The following CRIM1 variants were observed in gnomAD, a reference collection of about 807,000 sequenced individuals.
CRIM1 encodes the protein cysteine rich transmembrane BMP regulator 1, also known as cysteine-rich motor neuron 1 protein.
In CRIM1, 32 loss-of-function variants were observed where a neutral mutation model predicts 116.4. That is an observed-to-expected ratio of 0.27 (90% CI 0.21 to 0.37). The LOEUF is 0.37. Among genes scored for constraint, CRIM1 ranks in the 10% least tolerant of loss-of-function variants. The pLI, the probability that CRIM1 is intolerant of heterozygous loss-of-function variation, is 1.00. For missense variants in CRIM1, 1,331 were observed against 1,354.8 expected, an observed-to-expected ratio of 0.98 and a Z score of 0.28; for synonymous variants, 590 against 509.2, an observed-to-expected ratio of 1.16 and a Z score of -2.13.
chr2:36,424,690 C>G (rs1278494109), intron 2 of CRIM1, among the ~76,000 whole-genome samples: 1 of 152,150 alleles, frequency 6.6e-6, no homozygotes, highest in East Asian at 1.9e-4. Flanking sequence ...ATAAAAATTT[C>G]TCACTTCCTC....
At position 36,403,002 on chromosome 2, in the gene CRIM1, G is replaced by A. The variant is rs117381450; in HGVS notation, c.505+6215G>A. On this transcript the variant is annotated intron_variant, in intron 2 of 16. Transcript: ENST00000280527. The stretch of plus-strand genomic sequence containing the variant: ...GCTCTATGGTGTATAATTACAAAGA[G>A]ATATCCCTGAGAAAAGTCAAATCTC... Among the ~76,000 whole-genome samples the A allele has an allele frequency of 2.9e-4, 44 of 152,226 alleles. No individual in the cohort carries two copies. In the East Asian group the frequency reaches 7.9e-3, roughly 27 times the overall value.
intron 5 of CRIM1, among the ~76,000 whole-genome samples, chr2:36,465,183 C>T (rs1677908050): frequency 6.6e-6 from 1 of 152,210 alleles, no homozygotes; most frequent in South Asian, 2.1e-4. Context: ...TGATAGCGGC[C>T]TGCTGTAGGC....
chr2:36,513,644 C>T lies in CRIM1; in HGVS notation c.1869C>T (p.His623=), dbSNP rs78900278. 655 of 1,614,158 alleles carry T rather than the reference C, an allele frequency of 4.1e-4. 3 individuals are homozygous for T. The African/African-American group carries it at 8.0e-3, about 20-fold the overall frequency. The change falls in exon 11 of 17, where the codon CAC becomes CAT. Residue 623 remains histidine, a synonymous_variant. Coordinates refer to ENST00000280527, the MANE Select transcript of CRIM1 (RefSeq NM_016441.3). The part of the protein sequence containing the change: ...GHHHKNEESW[H]DGCRECYCLN... The stretch of plus-strand genomic sequence containing the variant: ...ATCATAAAAATGAGGAGAGCTGGCA[C>T]GATGGGTGCCGGGAATGCTACTGTC...
Position 36,464,635 on chromosome 2 carries a change from A to G in CRIM1, c.971A>G (p.Asp324Gly). 1.2e-6 allele frequency: 2 copies of G among 1,614,056 alleles called. No homozygotes were observed. The highest frequency in any genetic ancestry group is 8.5e-7 in the Non-Finnish European group (1 of 1,179,998). ...RGDGTPGKCCDVFECVNDTKP... is the reference protein window; with the variant it reads ...RGDGTPGKCCGVFECVNDTKP... ...GATGGGACACCTGGAAAGTGCTGTGATGTCTTTGAATGTGTTAATGGTACG... is the reference window on the plus strand; with the variant it reads ...GATGGGACACCTGGAAAGTGCTGTGGTGTCTTTGAATGTGTTAATGGTACG... The change falls in exon 5 of 17, where the codon GAT becomes GGT. Residue 324 changes from aspartate to glycine, a missense_variant. Asp to Gly is a moderately conservative substitution (Grantham distance 94). Transcript: ENST00000280527.
intron 13 of CRIM1, among the ~76,000 whole-genome samples, chr2:36,534,049 G>C (rs1666308147): frequency 6.9e-6 from 1 of 144,602 alleles, no homozygotes; most frequent in Non-Finnish European, 1.5e-5. Context: ...GAAGGACAGA[G>C]GGAGAAGGAA....
intron 2 of CRIM1, among the ~76,000 whole-genome samples, chr2:36,432,176 G>A (rs747132434): frequency 1.3e-5 from 2 of 152,118 alleles, no homozygotes; most frequent in East Asian, 1.9e-4. Flanking sequence ...TTGTGGGTCA[G>A]TGTTTATGGC....
chr2:36,514,915 A>G (rs757924332), intron 11 of CRIM1, among the ~76,000 whole-genome samples: 1 of 152,200 alleles, frequency 6.6e-6, no homozygotes, highest in Non-Finnish European at 1.5e-5. Flanking sequence ...CGAGATTACA[A>G]TGCAGAAGAG....
At chr2:36,508,691 T>G (rs1199524540) in intron 8 of CRIM1, among the ~76,000 whole-genome samples, 1 of 152,244 alleles carries the variant, frequency 6.6e-6, no homozygotes, top group Non-Finnish European at 1.5e-5. Flanking sequence ...TTGCTTTATA[T>G]AATTAAGCAT....
At chr2:36,408,675 A>C (rs1672992318) in intron 2 of CRIM1, among the ~76,000 whole-genome samples, 1 of 152,226 alleles carries the variant, frequency 6.6e-6, no homozygotes, top group Non-Finnish European at 1.5e-5. Flanking sequence ...TTGCATAAGC[A>C]GGAGCTGTCA....
chr2:36,370,984 A>G (rs374229279), intron 1 of CRIM1, among the ~76,000 whole-genome samples: 1 of 152,284 alleles, frequency 6.6e-6, no homozygotes, highest in East Asian at 1.9e-4. Flanking sequence ...TTCCAACTTT[A>G]TTTCCAGTGT....
At chr2:36,539,033 G>A (rs745382539) in intron 14 of CRIM1, among the ~76,000 whole-genome samples, 8 of 152,200 alleles carry the variant, frequency 5.3e-5, no homozygotes, top group South Asian at 2.1e-4. Flanking sequence ...CAGTGCACAC[G>A]GAGCTTACGT....
At chr2:36,506,800 A>G (rs1445092628) in intron 8 of CRIM1, among the ~76,000 whole-genome samples, 2 of 152,140 alleles carry the variant, frequency 1.3e-5, no homozygotes, top group African/African-American at 4.8e-5. Flanking sequence ...ACAAACAAAC[A>G]TATAAACCCC....
intron 2 of CRIM1, among the ~76,000 whole-genome samples, chr2:36,405,979 G>T (rs1375243080): frequency 2.0e-5 from 3 of 151,980 alleles, no homozygotes; most frequent in Non-Finnish European, 4.4e-5. Flanking sequence ...TTACCCATTT[G>T]GTCTTTGCTA....
chr2:36,468,601 C>T (rs550231359), intron 5 of CRIM1, among the ~76,000 whole-genome samples: 3 of 152,146 alleles, frequency 2.0e-5, no homozygotes, highest in Non-Finnish European at 4.4e-5. Flanking sequence ...GAAATATGAC[C>T]TCCAAAGCAG....
At chr2:36,491,528 A>C (rs1680224401) in intron 7 of CRIM1, among the ~76,000 whole-genome samples, 1 of 152,184 alleles carries the variant, frequency 6.6e-6, no homozygotes, top group Admixed American at 6.6e-5. Context: ...TCTTAGGACA[A>C]TTTTGAATGG....
chr2:36,392,292 A>G (rs562230031), intron 1 of CRIM1, among the ~76,000 whole-genome samples: 2 of 152,296 alleles, frequency 1.3e-5, no homozygotes, highest in East Asian at 3.9e-4. Context: ...TAATATCCTA[A>G]TTTGGTATCT....
At chr2:36,440,169 A>T (rs144841006) in intron 2 of CRIM1, among the ~76,000 whole-genome samples, 1 of 152,308 alleles carries the variant, frequency 6.6e-6, no homozygotes, top group African/African-American at 2.4e-5. Flanking sequence ...AAGTTTACCA[A>T]TGACCTTAGC....
intron 2 of CRIM1, among the ~76,000 whole-genome samples, chr2:36,399,381 T>C (rs1672258180): frequency 6.6e-6 from 1 of 152,174 alleles, no homozygotes; most frequent in Admixed American, 6.5e-5. Flanking sequence ...TTAGATGTGT[T>C]ACCACAAGAA....
At chr2:36,517,259 C>T (rs763915174) in intron 11 of CRIM1, 68 bp from the exon 12 acceptor site, 10 of 1,286,132 alleles carry the variant, frequency 7.8e-6, no homozygotes, top group Admixed American at 1.7e-5. Context: ...AAGCAAACAG[C>T]ACCAGGCTTT....
Sources: gnomAD v4.1 joint callset for allele counts (sites outside exome capture counted in the v4.1 genomes callset) on GRCh38, gnomAD v4.1.1 for gene constraint, MANE v1.5 for transcripts, NCBI Gene and HGNC (gene_info 2026-07-23, HGNC 2026-07-21) for gene names.